OXCT1: variants seen among roughly 807,000 people sequenced by gnomAD.
OXCT1 encodes 3-oxoacid CoA-transferase 1, also known as succinyl-CoA:3-ketoacid coenzyme A transferase 1, mitochondrial.
In OXCT1, 27 loss-of-function variants were observed where a neutral mutation model predicts 69.6. That is an observed-to-expected ratio of 0.39 (90% CI 0.29 to 0.54). OXCT1 has a LOEUF of 0.54. OXCT1 is among the 20% of genes least tolerant of loss of function. The pLI is 0.72. For missense variants in OXCT1, 437 were observed against 650.2 expected, an observed-to-expected ratio of 0.67 and a Z score of 3.57; for synonymous variants, 202 against 217.8, an observed-to-expected ratio of 0.93 and a Z score of 0.64.
intron 3 of OXCT1, among the ~76,000 whole-genome samples, chr5:41,859,536 C>G (rs1384406069): frequency 6.6e-6 from 1 of 151,926 alleles, no homozygotes; most frequent in African/African-American, 2.4e-5. Flanking sequence ...ACAGGCCCCT[C>G]GAATAAGGGA....
intron 15 of OXCT1, among the ~76,000 whole-genome samples, chr5:41,748,923 ATGACAGACAGC>A: frequency 6.6e-6 from 1 of 152,068 alleles, no homozygotes; most frequent in Non-Finnish European, 1.5e-5. Context: ...CAGAAGGGTG[ATGACAGACAGC>A]TGCTGGTGAT....
At position 41,805,552 on chromosome 5, in the gene OXCT1, A is replaced by G; in HGVS notation, c.955+15T>C. On this transcript the variant is annotated intron_variant, in intron 9 of 16. Coordinates refer to ENST00000196371, the MANE Select transcript of OXCT1 (RefSeq NM_000436.4). Reference sequence around the variant, plus strand: ...AGGCTATGTCTTTGCCCGGGCTCAGAAGGATAAAGGATACCATACATGCCA... The same window carrying G: ...AGGCTATGTCTTTGCCCGGGCTCAGGAGGATAAAGGATACCATACATGCCA... 6.4e-7 allele frequency: 1 copy of G among 1,564,420 alleles called. No homozygotes were observed. The highest frequency in any genetic ancestry group is 2.2e-5 in the East Asian group (1 of 44,604).
At chr5:41,847,018 C>T (rs1284167277) in intron 5 of OXCT1, among the ~76,000 whole-genome samples, 2 of 151,592 alleles carry the variant, frequency 1.3e-5, no homozygotes, top group African/African-American at 2.4e-5. Context: ...ATCAACAAAA[C>T]TGATAGACCG....
intron 7 of OXCT1, among the ~76,000 whole-genome samples, chr5:41,837,475 C>A (rs1011933223): frequency 1.0e-4 from 15 of 150,750 alleles, no homozygotes; most frequent in African/African-American, 3.2e-4. Flanking sequence ...GAAAAGAGTC[C>A]AAGAGAAAGA....
Position 41,870,072 on chromosome 5 carries a change from C to T in OXCT1, c.78+209G>A. The T allele has an allele frequency of 1.7e-6, 1 of 602,524 alleles. No individual in the cohort carries two copies. The highest frequency in any genetic ancestry group is 3.0e-6 in the Non-Finnish European group (1 of 334,216). The allele number at this position is 602,524 out of a possible 1,614,324, so 37.3% of individuals were successfully genotyped here. ...ATCGCGTCTCGCTCCATCAGGGAAG[C>T]GACTGCAGAACCAAGCAAAGGCGGT... is the stretch of plus-strand genomic sequence containing the variant. On this transcript the variant is annotated intron_variant, in intron 1 of 16. Coordinates refer to ENST00000196371, the MANE Select transcript of OXCT1 (RefSeq NM_000436.4). The surrounding 1 kb of genome is among the most constrained non-coding windows in gnomAD (Gnocchi z 4.2).
chr5:41,802,553 C>A (rs138927836), intron 10 of OXCT1, among the ~76,000 whole-genome samples: 225 of 152,182 alleles, frequency 1.5e-3, no homozygotes, highest in African/African-American at 5.1e-3. Flanking sequence ...TTGAGGCAAT[C>A]AACTCAAACA....
rs1472329938 is a variant in OXCT1 at position 41,803,116 on chromosome 5, G to C, written c.1003C>G (p.Pro335Ala). 1 of 1,611,968 alleles carries C rather than the reference G, an allele frequency of 6.2e-7. No homozygotes were observed. Among genetic ancestry groups the C allele is most frequent in the Non-Finnish European group, 8.5e-7 (1 of 1,178,648 alleles). Residue 335 changes from proline (P) to alanine (A), a missense_variant, in exon 10 of 17, where the codon CCA becomes GCA. By Grantham distance (27) the Pro-to-Ala change is conservative. Around this residue, in one of 4 missense-constraint regions of OXCT1, gnomAD observed 252 missense variants for 397.4 expected, o/e 0.63. Coordinates refer to ENST00000196371, the MANE Select transcript of OXCT1 (RefSeq NM_000436.4). ...IPLLASNFIS[P>A]NITVHLQSEN... ...CTTTGAAGATGAACAGTTATATTTG[G>C]GCTGATAAAATTGCTGGCCAGGAGA...
At chr5:41,810,961 C>G (rs1183179060) in intron 7 of OXCT1, among the ~76,000 whole-genome samples, 1 of 151,348 alleles carries the variant, frequency 6.6e-6, no homozygotes, top group Non-Finnish European at 1.5e-5. Context: ...TTCTTCCTGA[C>G]TCATTTTAAG....
chr5:41,761,964 G>T, intron 14 of OXCT1, 147 bp downstream of exon 14: 3 of 701,504 alleles, frequency 4.3e-6, no homozygotes, highest in Admixed American at 4.2e-5. Flanking sequence ...AACTGTTTTT[G>T]TCATCTTTCT....
chr5:41,763,138 A>G (rs888852426), intron 13 of OXCT1, among the ~76,000 whole-genome samples: 3 of 152,150 alleles, frequency 2.0e-5, no homozygotes, highest in African/African-American at 7.2e-5. Context: ...CAAGAAATGC[A>G]CACAACATGG....
chr5:41,817,288 T>C (rs1326283555), intron 7 of OXCT1, among the ~76,000 whole-genome samples: 1 of 152,168 alleles, frequency 6.6e-6, no homozygotes, highest in African/African-American at 2.4e-5. Flanking sequence ...TCAGAAGACA[T>C]CGATTTGTGG....
chr5:41,836,898 T>C (rs941198697), intron 7 of OXCT1, among the ~76,000 whole-genome samples: 7 of 152,324 alleles, frequency 4.6e-5, no homozygotes, highest in Admixed American at 3.9e-4. Context: ...AAAGGACTAA[T>C]GTTTCCCTTT....
At chr5:41,830,908 C>A (rs147753780) in intron 7 of OXCT1, among the ~76,000 whole-genome samples, 3 of 152,294 alleles carry the variant, frequency 2.0e-5, no homozygotes, top group African/African-American at 7.2e-5. Context: ...ATCTCTAAAA[C>A]ACTGATACAT....
chr5:41,794,282 T>C (rs1011633606), intron 12 of OXCT1: 1 of 621,534 alleles, frequency 1.6e-6, no homozygotes, highest in Non-Finnish European at 2.9e-6. Context: ...ACAGTATACA[T>C]TGTTTCAATA....
rs769925984 is a variant in OXCT1, at chr5:41,853,557, A to G, written c.279-3T>C. 3 of 1,613,736 alleles carry G rather than the reference A, an allele frequency of 1.9e-6. No homozygotes were observed. The highest frequency in any genetic ancestry group is 1.7e-6 in the Non-Finnish European group (2 of 1,179,790). On this transcript the variant is annotated splice_region_variant and splice_polypyrimidine_tract_variant and intron_variant, in intron 3 of 16. Coordinates refer to ENST00000196371, the MANE Select transcript of OXCT1 (RefSeq NM_000436.4). The stretch of plus-strand genomic sequence containing the variant: ...GCCCCAAACCAAAATTGTCAACCCT[A>G]GAAGGAAAATGAAGGGAGCTTACCA...
At chr5:41,861,601 C>T (rs1749743136) in intron 2 of OXCT1, among the ~76,000 whole-genome samples, 197 bp from the exon 3 acceptor site, 1 of 152,204 alleles carries the variant, frequency 6.6e-6, no homozygotes, top group Non-Finnish European at 1.5e-5. Flanking sequence ...CATTATATCA[C>T]ATATCACTGC....
intron 13 of OXCT1, among the ~76,000 whole-genome samples, chr5:41,790,855 C>T (rs1745882945): frequency 6.6e-6 from 1 of 152,012 alleles, no homozygotes; most frequent in South Asian, 2.1e-4. Context: ...AAAATGTGTC[C>T]TCAAAGGGCT....
At chr5:41,791,551 T>G (rs1165520008) in intron 13 of OXCT1, among the ~76,000 whole-genome samples, 2 of 152,226 alleles carry the variant, frequency 1.3e-5, no homozygotes, top group East Asian at 3.8e-4. Context: ...CTATGAGAGC[T>G]TCCAGCCTTA....
chr5:41,814,816 G>A (rs1283137830), intron 7 of OXCT1, among the ~76,000 whole-genome samples: 1 of 151,582 alleles, frequency 6.6e-6, no homozygotes, highest in East Asian at 1.9e-4. Context: ...CATGTCACAT[G>A]TATACATATG....
Sources: gnomAD v4.1 joint callset for allele counts (sites outside exome capture counted in the v4.1 genomes callset) on GRCh38, gnomAD v4.1.1 for gene constraint, gnomAD v4.1.1 regional missense constraint, Gnocchi (gnomAD v3.1) non-coding constraint, MANE v1.5 for transcripts, NCBI Gene and HGNC (gene_info 2026-07-23, HGNC 2026-07-21) for gene names.